Variants in SLC24A3 observed in about 807,000 individuals in gnomAD.
The protein encoded by SLC24A3 is sodium/potassium/calcium exchanger 3.
A neutral mutation model predicts 75.8 loss-of-function variants in SLC24A3; 28 were observed. The ratio of observed to expected loss-of-function variants is 0.37; its 90% CI spans 0.27 to 0.51. SLC24A3 has a LOEUF of 0.51. Ranked by LOEUF, SLC24A3 falls within the 20% of genes least tolerant of loss-of-function variation. The probability of loss-of-function intolerance (pLI) is 0.94; values close to 1 mark genes in which losing one functional copy is unlikely to be tolerated. For missense variants in SLC24A3, 663 were observed against 847.8 expected, an observed-to-expected ratio of 0.78 and a Z score of 2.71; for synonymous variants, 372 against 334.1, an observed-to-expected ratio of 1.11 and a Z score of -1.24.
intron 3 of SLC24A3, among the ~76,000 whole-genome samples, chr20:19,516,379 C>T (rs931636062): frequency 1.3e-5 from 2 of 152,244 alleles, no homozygotes; most frequent in African/African-American, 4.8e-5. Flanking sequence ...GCATTCCCTC[C>T]CCCTTAATTC....
At chr20:19,639,120 G>A (rs1052198162) in intron 6 of SLC24A3, among the ~76,000 whole-genome samples, 4 of 152,140 alleles carry the variant, frequency 2.6e-5, no homozygotes, top group Non-Finnish European at 4.4e-5. Context: ...GGCGCTGATT[G>A]GTGCATTTAC....
At chr20:19,508,151 G>A (rs1224135163) in intron 2 of SLC24A3, among the ~76,000 whole-genome samples, 1 of 152,198 alleles carries the variant, frequency 6.6e-6, no homozygotes, top group Non-Finnish European at 1.5e-5. Context: ...AGTTTTTACA[G>A]TGCCCCAGGA....
At chr20:19,266,463 C>A (rs1453806870) in intron 1 of SLC24A3, among the ~76,000 whole-genome samples, 1 of 152,126 alleles carries the variant, frequency 6.6e-6, no homozygotes, top group Non-Finnish European at 1.5e-5. Context: ...AAGAAAAGCC[C>A]AGAATTAAGG....
intron 2 of SLC24A3, among the ~76,000 whole-genome samples, chr20:19,283,978 G>A (rs947754457): frequency 1.3e-5 from 2 of 152,178 alleles, no homozygotes; most frequent in African/African-American, 2.4e-5. Flanking sequence ...TAAACAGACC[G>A]TCATCTAGAC....
intron 2 of SLC24A3, among the ~76,000 whole-genome samples, chr20:19,495,153 G>A (rs1030958012): frequency 1.3e-5 from 2 of 152,116 alleles, no homozygotes; most frequent in South Asian, 2.1e-4. Flanking sequence ...TCTGGGTGAG[G>A]TTGCATGCAC....
chr20:19,437,435 T>C (rs902828741), intron 2 of SLC24A3, among the ~76,000 whole-genome samples: 2 of 152,210 alleles, frequency 1.3e-5, no homozygotes, highest in African/African-American at 2.4e-5. Flanking sequence ...TCCCCAGCCA[T>C]GCGGAACTGT....
intron 1 of SLC24A3, among the ~76,000 whole-genome samples, chr20:19,234,401 C>T (rs1266029001): frequency 2.0e-5 from 3 of 152,184 alleles, no homozygotes; most frequent in Non-Finnish European, 4.4e-5. Context: ...GTGATTTTGC[C>T]CTCTGCACGT....
At chr20:19,700,649 C>G (rs1054462049) in intron 15 of SLC24A3, among the ~76,000 whole-genome samples, 2 of 152,206 alleles carry the variant, frequency 1.3e-5, no homozygotes, top group African/African-American at 4.8e-5. Context: ...TTTTCTTTCT[C>G]TAGGTTACTT....
At chr20:19,276,908 A>C (rs2044139935) in intron 1 of SLC24A3, among the ~76,000 whole-genome samples, 1 of 152,148 alleles carries the variant, frequency 6.6e-6, no homozygotes, top group African/African-American at 2.4e-5. Flanking sequence ...TAAAAAAAAA[A>C]AAAATTGACC....
chr20:19,451,176 T>A lies in SLC24A3; in HGVS notation c.272-64312T>A, dbSNP rs180676006. The stretch of plus-strand genomic sequence containing the variant: ...TACTTCAGTGAAATTTACAGAAAGA[T>A]CAAAGGTAAAAGAAAACACATATTT... On this transcript the variant is annotated intron_variant, in intron 2 of 16. Coordinates refer to ENST00000328041, the MANE Select transcript of SLC24A3 (RefSeq NM_020689.4). Among the ~76,000 whole-genome samples the A allele has an allele frequency of 9.2e-5, 14 of 152,322 alleles. No individual in the cohort carries two copies. In the East Asian group the frequency reaches 2.7e-3, roughly 29 times the overall value.
chr20:19,688,388 A>G (rs989834759), intron 12 of SLC24A3, among the ~76,000 whole-genome samples: 1 of 152,118 alleles, frequency 6.6e-6, no homozygotes, highest in Non-Finnish European at 1.5e-5. Flanking sequence ...CCCAGTTACA[A>G]CTGTCTCTTC....
intron 1 of SLC24A3, among the ~76,000 whole-genome samples, chr20:19,233,515 G>A (rs1032965700): frequency 6.6e-6 from 1 of 152,180 alleles, no homozygotes; most frequent in Non-Finnish European, 1.5e-5. Context: ...TAGGAAGGAG[G>A]GGAGGAGGAA....
intron 3 of SLC24A3, among the ~76,000 whole-genome samples, chr20:19,536,200 C>A (rs1003199788): frequency 2.6e-5 from 4 of 152,144 alleles, no homozygotes; most frequent in Admixed American, 2.6e-4. Flanking sequence ...GTCTAAATTT[C>A]TCTCTCTCAA....
At chr20:19,499,586 T>TCA in intron 2 of SLC24A3, among the ~76,000 whole-genome samples, 1 of 152,242 alleles carries the variant, frequency 6.6e-6, no homozygotes, top group African/African-American at 2.4e-5. Flanking sequence ...AGCTAATTTT[T>TCA]CATGACTTTT....
chr20:19,248,927 C>T (rs940378192), intron 1 of SLC24A3, among the ~76,000 whole-genome samples: 2 of 149,402 alleles, frequency 1.3e-5, no homozygotes, highest in African/African-American at 2.5e-5. Flanking sequence ...TATGTGGAAT[C>T]TAAAATAACC....
chr20:19,327,355 C>T (rs969886504), intron 2 of SLC24A3, among the ~76,000 whole-genome samples: 2 of 152,220 alleles, frequency 1.3e-5, no homozygotes, highest in African/African-American at 2.4e-5. Context: ...CTTTCATTTT[C>T]CCATGCAAAG....
At chr20:19,369,223 C>T (rs1314900335) in intron 2 of SLC24A3, among the ~76,000 whole-genome samples, 1 of 152,206 alleles carries the variant, frequency 6.6e-6, no homozygotes, top group Non-Finnish European at 1.5e-5. Context: ...CAAGTGCTTG[C>T]AGTTAGCGTC....
chr20:19,247,308 C>T (rs1427287794), intron 1 of SLC24A3, among the ~76,000 whole-genome samples: 2 of 152,160 alleles, frequency 1.3e-5, no homozygotes, highest in Non-Finnish European at 2.9e-5. Context: ...ACTCTCCTAC[C>T]TACCCTCGCG....
At chr20:19,701,077 C>T (rs779297468) in intron 15 of SLC24A3, among the ~76,000 whole-genome samples, 4 of 152,148 alleles carry the variant, frequency 2.6e-5, no homozygotes, top group Non-Finnish European at 5.9e-5. Flanking sequence ...TTATGACACC[C>T]TCATATCCTG....
Sources: gnomAD v4.1 joint callset for allele counts (sites outside exome capture counted in the v4.1 genomes callset) on GRCh38, gnomAD v4.1.1 for gene constraint, MANE v1.5 for transcripts, NCBI Gene and HGNC (gene_info 2026-07-23, HGNC 2026-07-21) for gene names.